The following TRIP4 variants were observed in gnomAD, a reference collection of about 807,000 sequenced individuals.
TRIP4 encodes the protein activating signal cointegrator 1.
In TRIP4, 54 loss-of-function variants were observed where a neutral mutation model predicts 81.8. The ratio of observed to expected loss-of-function variants is 0.66; its 90% CI spans 0.53 to 0.83. TRIP4 has a LOEUF of 0.83. TRIP4 is among the 40% of genes least tolerant of loss of function. The pLI is 0.00. For missense variants in TRIP4, 662 were observed against 683.6 expected, an observed-to-expected ratio of 0.97 and a Z score of 0.35; for synonymous variants, 270 against 242.8, an observed-to-expected ratio of 1.11 and a Z score of -1.04.
At chr15:64,410,660 A>G (rs1350277614) in intron 7 of TRIP4, among the ~76,000 whole-genome samples, 2 of 152,208 alleles carry the variant, frequency 1.3e-5, no homozygotes, top group Admixed American at 1.3e-4. Context: ...ATAGGAGAAT[A>G]TAATTATAGT....
rs532624042 is a variant in TRIP4 at position 64,450,606 on chromosome 15, A to G, written c.1679-4391A>G. ...TCACTCTGTTAGACGTTAAGGATAC[A>G]AAATGTCCATGATTGTAAGGAGTTC... On this transcript the variant is annotated intron_variant, in intron 12 of 12. Coordinates refer to ENST00000261884, the MANE Select transcript of TRIP4 (RefSeq NM_016213.5). 165 of 453,664 alleles carry G rather than the reference A, an allele frequency of 3.6e-4. 1 individual carries two copies. The highest frequency in any genetic ancestry group is 6.8e-4 in the Non-Finnish European group (152 of 225,112). 28.1% of individuals were successfully genotyped at this position (453,664 alleles called of 1,614,324 possible).
At position 64,387,906 on chromosome 15, in the gene TRIP4, T is replaced by TGGTGCACC; in HGVS notation, c.44_51dup (p.Gln18GlyfsTer50). ...GGTGTCCGGGGAGCCGCTGGTGCACTGGTGCACCCAGCAGTTGCGGAAGAC... is the reference window on the plus strand; with the variant it reads ...GGTGTCCGGGGAGCCGCTGGTGCACTGGTGCACCGGTGCACCCAGCAGTTGCGGAAGAC... On this transcript the variant is annotated frameshift_variant, in exon 1 of 13. Coordinates refer to ENST00000261884, the MANE Select transcript of TRIP4 (RefSeq NM_016213.5). LOFTEE classifies it high-confidence loss of function. The TGGTGCACC allele has an allele frequency of 6.4e-7, 1 of 1,550,462 alleles. No homozygotes were observed. The highest frequency in any genetic ancestry group is 8.7e-7 in the Non-Finnish European group (1 of 1,147,038).
intron 10 of TRIP4, 95 bp downstream of exon 10, chr15:64,424,250 T>C: frequency 6.5e-7 from 1 of 1,543,642 alleles, no homozygotes; most frequent in Non-Finnish European, 8.8e-7. Flanking sequence ...GGCTTTTTCT[T>C]TGTTAAAAGA....
At chr15:64,389,212 T>C in intron 1 of TRIP4, among the ~76,000 whole-genome samples, 1 of 152,234 alleles carries the variant, frequency 6.6e-6, no homozygotes, top group East Asian at 1.9e-4. Flanking sequence ...TTCATTTGAT[T>C]CCTTGGTCAC....
At chr15:64,401,829 A>G (rs1891516831) in intron 5 of TRIP4, among the ~76,000 whole-genome samples, 1 of 152,170 alleles carries the variant, frequency 6.6e-6, no homozygotes, top group African/African-American at 2.4e-5. Context: ...TAACTGCCAC[A>G]AGCACGATCC....
At chr15:64,427,828 T>G (rs1046736793) in intron 11 of TRIP4, among the ~76,000 whole-genome samples, 1 of 152,210 alleles carries the variant, frequency 6.6e-6, no homozygotes. Context: ...TGTTCTTCCC[T>G]TAGTATCTGA....
intron 9 of TRIP4, among the ~76,000 whole-genome samples, chr15:64,420,413 G>A (rs1469943335): frequency 1.3e-5 from 2 of 152,116 alleles, no homozygotes; most frequent in South Asian, 4.1e-4. Context: ...GAGCCAATGC[G>A]CCCGGCTGTT....
At chr15:64,390,354 C>G (rs759887876) in intron 1 of TRIP4, among the ~76,000 whole-genome samples, 3 of 150,156 alleles carry the variant, frequency 2.0e-5, no homozygotes, top group Non-Finnish European at 3.0e-5. Flanking sequence ...CTCAGTTACT[C>G]GGAAGGCTGA....
At chr15:64,444,939 C>T (rs1892590332) in intron 11 of TRIP4, 67 bp from the exon 12 acceptor site, 2 of 831,726 alleles carry the variant, frequency 2.4e-6, no homozygotes, top group Admixed American at 4.6e-5. Flanking sequence ...TCTGGGACAT[C>T]TTCTGTTCTC....
intron 7 of TRIP4, 127 bp from the exon 8 acceptor site, chr15:64,413,958 G>T: frequency 9.9e-7 from 1 of 1,007,736 alleles, no homozygotes; most frequent in Non-Finnish European, 1.4e-6. Context: ...GGGGAGTAGG[G>T]AAGGTCATCC....
intron 8 of TRIP4, among the ~76,000 whole-genome samples, chr15:64,416,765 C>G (rs1891898582): frequency 6.6e-6 from 1 of 151,934 alleles, no homozygotes; most frequent in South Asian, 2.1e-4. Flanking sequence ...TTTTATGTCT[C>G]CCTAGTTAAT....
At chr15:64,415,868 A>AG (rs1347117796) in intron 8 of TRIP4, among the ~76,000 whole-genome samples, 1 of 152,196 alleles carries the variant, frequency 6.6e-6, no homozygotes, top group Non-Finnish European at 1.5e-5. Context: ...AAGTAGGCAA[A>AG]GAAGGGTTCT....
At chr15:64,451,910 C>A (rs1233525772) in intron 12 of TRIP4, among the ~76,000 whole-genome samples, 1 of 150,116 alleles carries the variant, frequency 6.7e-6, no homozygotes, top group Non-Finnish European at 1.5e-5. Flanking sequence ...GTCTCGGCCT[C>A]CCAAAGTGCA....
intron 3 of TRIP4, 36 bp from the exon 4 acceptor site, chr15:64,397,570 A>G: frequency 1.9e-6 from 3 of 1,594,570 alleles, no homozygotes; most frequent in Admixed American, 1.7e-5. Context: ...ATTGTCATTA[A>G]TTATTTGATG....
chr15:64,445,224 C>T, intron 12 of TRIP4, 116 bp downstream of exon 12: 2 of 553,836 alleles, frequency 3.6e-6, no homozygotes, highest in South Asian at 5.3e-5. Context: ...TTGAGGTAAC[C>T]CACTACCTTT....
intron 5 of TRIP4, among the ~76,000 whole-genome samples, chr15:64,404,020 C>T (rs1034518066): frequency 4.6e-5 from 7 of 151,798 alleles, no homozygotes; most frequent in Admixed American, 1.3e-4. Context: ...GGAGAAACCC[C>T]GTCTCTACCA....
chr15:64,398,450 AG>A lies in TRIP4; in HGVS notation c.618+633del, dbSNP rs1472616633. The stretch of plus-strand genomic sequence containing the variant: ...AAAAAAAAAAAAAAAAAAAAAAAAA[AG>A]TTTTTAATTAGCTGGGCTGGGTATG... On this transcript the variant is annotated intron_variant, in intron 4 of 12. Coordinates refer to ENST00000261884, the MANE Select transcript of TRIP4 (RefSeq NM_016213.5). Among the ~76,000 whole-genome samples the A allele has an allele frequency of 1.2e-4, 18 of 149,632 alleles. No individual in the cohort carries two copies. In the South Asian group the frequency reaches 3.0e-3, roughly 25 times the overall value.
Position 64,437,283 on chromosome 15 carries a change from C to T in TRIP4, c.1576-7723C>T, listed in dbSNP as rs537964792. Among the ~76,000 whole-genome samples the T allele has an allele frequency of 8.0e-5, 12 of 150,196 alleles. No individual in the cohort carries two copies. The South Asian group carries it at 1.9e-3, about 24-fold the overall frequency. On this transcript the variant is annotated intron_variant, in intron 11 of 12. Coordinates refer to ENST00000261884, the MANE Select transcript of TRIP4 (RefSeq NM_016213.5). The stretch of plus-strand genomic sequence containing the variant: ...AAGATTAAAAAAAAAATTAGCCAGG[C>T]GCATACCTATAATCCCAGCTGCTAC...
chr15:64,419,402 A>G (rs765022250), intron 9 of TRIP4, among the ~76,000 whole-genome samples: 200 of 151,810 alleles, frequency 1.3e-3, no homozygotes, highest in Non-Finnish European at 2.6e-3. Flanking sequence ...CTCTGTCACC[A>G]GGCTGGAGTG....
Sources: allele counts gnomAD v4.1 joint callset (sites outside exome capture counted in the v4.1 genomes callset), GRCh38; gene constraint gnomAD v4.1.1; transcripts MANE v1.5; gene names NCBI Gene and HGNC (gene_info 2026-07-23, HGNC 2026-07-21).